The following TMEM132D variants were observed in gnomAD, a reference collection of about 807,000 sequenced individuals.
The protein encoded by TMEM132D is transmembrane protein 132D, also known as mature OL transmembrane protein.
In TMEM132D, 21 loss-of-function variants were observed where a neutral mutation model predicts 62.3. That is an observed-to-expected ratio of 0.34 (90% CI 0.24 to 0.49). The LOEUF is 0.49. TMEM132D is among the 20% of genes least tolerant of loss of function. The pLI is 0.99. For missense variants in TMEM132D, 1,346 were observed against 1,402.8 expected (o/e 0.96, Z 0.65); for synonymous variants, 621 against 575.6 (o/e 1.08, Z -1.13).
At chr12:129,368,700 C>G (rs921256890) in intron 3 of TMEM132D, among the ~76,000 whole-genome samples, 1 of 151,800 alleles carries the variant, frequency 6.6e-6, no homozygotes, top group Non-Finnish European at 1.5e-5. Context: ...ACTATTGACT[C>G]AAAATCGGCT....
In TMEM132D at chr12:129,236,942, T is replaced by C. The variant is rs577045787; in HGVS notation, c.1300-27279A>G. Among the ~76,000 whole-genome samples, 8 of 152,354 alleles carry C rather than the reference T, an allele frequency of 5.3e-5. No individual in the cohort carries two copies. The East Asian group carries it at 1.5e-3, about 29-fold the overall frequency. ...TAAGAGTTTTTATCACAAAAATGTA[T>C]TGAATTTTCCAATTGTTTTTTCCTG... On this transcript the variant is annotated intron_variant, in intron 4 of 8. Coordinates refer to ENST00000422113, the MANE Select transcript of TMEM132D (RefSeq NM_133448.3).
At chr12:129,709,823 A>T (rs959727066) in intron 1 of TMEM132D, among the ~76,000 whole-genome samples, 12 of 152,262 alleles carry the variant, frequency 7.9e-5, no homozygotes, top group African/African-American at 2.7e-4. Flanking sequence ...ATCATATTTC[A>T]TAGAATCTCA....
chr12:129,373,389 T>C (rs1870676410), intron 3 of TMEM132D, among the ~76,000 whole-genome samples: 1 of 152,092 alleles, frequency 6.6e-6, no homozygotes, highest in Admixed American at 6.5e-5. Flanking sequence ...TCCCAACACT[T>C]TGGGAGGACG....
chr12:129,108,874 G>C (rs1452448956), intron 5 of TMEM132D, among the ~76,000 whole-genome samples: 1 of 152,188 alleles, frequency 6.6e-6, no homozygotes, highest in East Asian at 1.9e-4. Context: ...GTGACATTCT[G>C]CTGTGTTTGC....
At chr12:129,132,870 G>A (rs1353871606) in intron 5 of TMEM132D, among the ~76,000 whole-genome samples, 1 of 152,176 alleles carries the variant, frequency 6.6e-6, no homozygotes, top group Non-Finnish European at 1.5e-5. Context: ...ATGGAGATGA[G>A]GAGTCCCTTG....
chr12:129,893,831 C>G (rs1875013963), intron 1 of TMEM132D, among the ~76,000 whole-genome samples: 1 of 152,240 alleles, frequency 6.6e-6, no homozygotes, highest in African/African-American at 2.4e-5. Flanking sequence ...GGAAACCACA[C>G]CTGGTCCTGC....
At chr12:129,463,473 T>TTTG (rs1555258190) in intron 3 of TMEM132D, among the ~76,000 whole-genome samples, 2 of 90,390 alleles carry the variant, frequency 2.2e-5, no homozygotes, top group Non-Finnish European at 5.0e-5. Flanking sequence ...TATTTATGTA[T>TTTG]TATTATTATT....
chr12:129,169,173 G>C (rs528224056), intron 5 of TMEM132D, among the ~76,000 whole-genome samples: 16 of 152,280 alleles, frequency 1.1e-4, no homozygotes, highest in African/African-American at 2.2e-4. Flanking sequence ...GTAGGTCTGT[G>C]GTGGGGCCTA....
At chr12:129,128,409 G>C (rs1330273404) in intron 5 of TMEM132D, among the ~76,000 whole-genome samples, 2 of 152,126 alleles carry the variant, frequency 1.3e-5, no homozygotes, top group Non-Finnish European at 2.9e-5. Flanking sequence ...AGGAAGCAAG[G>C]TGGCATCTTA....
intron 5 of TMEM132D, among the ~76,000 whole-genome samples, chr12:129,168,251 ATT>A (rs3996445): frequency 0.42 from 63,874 of 150,822 alleles, 15,798 homozygotes; most frequent in African/African-American, 0.68. Flanking sequence ...CTCTTTTGGG[ATT>A]TTTTTTTTAC....
chr12:129,077,756 G>A (rs1874318481), intron 8 of TMEM132D, among the ~76,000 whole-genome samples: 1 of 151,498 alleles, frequency 6.6e-6, no homozygotes, highest in African/African-American at 2.4e-5. Flanking sequence ...TACAACACAC[G>A]ATACATTCAC....
intron 2 of TMEM132D, among the ~76,000 whole-genome samples, chr12:129,629,458 G>A (rs906965327): frequency 3.9e-5 from 6 of 152,158 alleles, no homozygotes; most frequent in African/African-American, 1.2e-4. Context: ...AAGCTCAGTT[G>A]AAATGCTTTC....
intron 4 of TMEM132D, among the ~76,000 whole-genome samples, chr12:129,275,909 G>A (rs1478904570): frequency 6.6e-6 from 1 of 152,222 alleles, no homozygotes; most frequent in Admixed American, 6.5e-5. Flanking sequence ...CTGTGAGGTC[G>A]AGTTGGAAAT....
intron 3 of TMEM132D, among the ~76,000 whole-genome samples, chr12:129,423,240 G>C (rs1044862468): frequency 6.6e-6 from 1 of 152,046 alleles, no homozygotes; most frequent in Admixed American, 6.6e-5. Flanking sequence ...AATCTATCAC[G>C]TGATGATTTC....
At chr12:129,183,292 G>A (rs1046444531) in intron 5 of TMEM132D, among the ~76,000 whole-genome samples, 6 of 152,162 alleles carry the variant, frequency 3.9e-5, no homozygotes, top group African/African-American at 1.4e-4. Flanking sequence ...CATGTCACAG[G>A]GGCCTATTAC....
intron 3 of TMEM132D, among the ~76,000 whole-genome samples, chr12:129,477,681 C>A (rs140587200): frequency 6.6e-6 from 1 of 151,952 alleles, no homozygotes; most frequent in Non-Finnish European, 1.5e-5. Context: ...ATTAGCTGGG[C>A]GTGGTGGTGG....
intron 4 of TMEM132D, among the ~76,000 whole-genome samples, chr12:129,285,526 C>CAAAAAAAAAAAAAAA (rs1555244565): frequency 0.1 from 4,179 of 40,798 alleles, 1,546 homozygotes; most frequent in South Asian, 0.23. Context: ...GACTGTGTCT[C>CAAAAAAAAAAAAAAA]AAAAAAAAAA....
intron 2 of TMEM132D, among the ~76,000 whole-genome samples, chr12:129,556,078 G>A (rs565848183): frequency 2.6e-5 from 4 of 152,222 alleles, no homozygotes; most frequent in South Asian, 2.1e-4. Flanking sequence ...AGACACCAAC[G>A]CAAAGCATGG....
intron 3 of TMEM132D, among the ~76,000 whole-genome samples, chr12:129,484,694 C>A (rs1874531775): frequency 6.6e-6 from 1 of 152,168 alleles, no homozygotes; most frequent in African/African-American, 2.4e-5. Context: ...AAGTTAGAGG[C>A]AGTTTAGCCT....
Sources: allele counts gnomAD v4.1 joint callset (sites outside exome capture counted in the v4.1 genomes callset), GRCh38; gene constraint gnomAD v4.1.1; transcripts MANE v1.5; gene names NCBI Gene and HGNC (gene_info 2026-07-23, HGNC 2026-07-21).